Variants in MAP2 observed in about 807,000 individuals in gnomAD.
The protein encoded by MAP2 is microtubule-associated protein 2.
MAP2 carries 14 observed loss-of-function variants against 137.6 expected under a neutral mutation model. That is an observed-to-expected ratio of 0.10 (90% confidence interval 0.07 to 0.16). MAP2 has a LOEUF of 0.16. Among genes scored for constraint, MAP2 ranks in the 10% least tolerant of loss-of-function variants. The pLI is 1.00. For synonymous variants in MAP2, 786 were observed against 782.3 expected, an observed-to-expected ratio of 1.00 and a Z score of -0.08; for missense variants, 2,088 against 2,191.5, an observed-to-expected ratio of 0.95 and a Z score of 0.94.
intron 13 of MAP2, among the ~76,000 whole-genome samples, chr2:209,714,117 C>T (rs1008318732): frequency 6.6e-6 from 1 of 152,124 alleles, no homozygotes; most frequent in Admixed American, 6.5e-5. Flanking sequence ...AGGAGAATTG[C>T]TTGAACCCAG....
chr2:209,648,104 ATTT>A (rs200480350), intron 4 of MAP2, among the ~76,000 whole-genome samples: 26,352 of 141,752 alleles, frequency 0.19, 3,286 homozygotes, highest in African/African-American at 0.36. Flanking sequence ...AACGTCTTGG[ATTT>A]TTTTTTTTTT....
intron 1 of MAP2, among the ~76,000 whole-genome samples, chr2:209,428,983 T>C (rs1693414011): frequency 6.6e-6 from 1 of 151,306 alleles, no homozygotes; most frequent in African/African-American, 2.4e-5. Context: ...AGACGGAGTC[T>C]CGCTCTTTCG....
intron 7 of MAP2, among the ~76,000 whole-genome samples, chr2:209,684,231 C>A (rs1262714828): frequency 1.3e-5 from 2 of 152,186 alleles, no homozygotes; most frequent in African/African-American, 2.4e-5. Context: ...AACCAGGATT[C>A]TTTCTGCCCT....
chr2:209,520,255 TCC>T (rs2063087896), intron 2 of MAP2, among the ~76,000 whole-genome samples: 1 of 152,054 alleles, frequency 6.6e-6, no homozygotes, highest in African/African-American at 2.4e-5. Flanking sequence ...AAGACAGGCT[TCC>T]CTATAAGATA....
chr2:209,727,726 A>G (rs917766280), intron 14 of MAP2, among the ~76,000 whole-genome samples: 2 of 152,200 alleles, frequency 1.3e-5, no homozygotes, highest in Admixed American at 6.5e-5. Flanking sequence ...AAAGCTTGAC[A>G]AAGATAATAG....
intron 2 of MAP2, among the ~76,000 whole-genome samples, chr2:209,561,495 A>G (rs1171471747): frequency 2.0e-5 from 3 of 152,222 alleles, no homozygotes; most frequent in Non-Finnish European, 4.4e-5. Flanking sequence ...GAAGTTATTT[A>G]ACCTCTCTGA....
At chr2:209,683,614 T>C (rs2055740978) in intron 7 of MAP2, among the ~76,000 whole-genome samples, 1 of 152,236 alleles carries the variant, frequency 6.6e-6, no homozygotes, top group African/African-American at 2.4e-5. Context: ...TGTTCAATTT[T>C]TCAAACCAAG....
chr2:209,610,378 T>C (rs1294274375), intron 3 of MAP2, among the ~76,000 whole-genome samples: 2 of 151,834 alleles, frequency 1.3e-5, no homozygotes, highest in African/African-American at 4.8e-5. Flanking sequence ...TTCTGAGGAG[T>C]ATTGGACCAC....
At chr2:209,564,171 A>G (rs1016031203) in intron 2 of MAP2, among the ~76,000 whole-genome samples, 2 of 152,182 alleles carry the variant, frequency 1.3e-5, no homozygotes, top group Admixed American at 6.5e-5. Context: ...AATGAAGGGA[A>G]ATTCAGTTGC....
chr2:209,727,488 T>G (rs1199214882), intron 14 of MAP2, among the ~76,000 whole-genome samples: 1 of 152,252 alleles, frequency 6.6e-6, no homozygotes, highest in Admixed American at 6.5e-5. Flanking sequence ...TTGTTGGTCA[T>G]AAAAGGCTGT....
At chr2:209,608,454 T>A (rs2085574394) in intron 3 of MAP2, among the ~76,000 whole-genome samples, 1 of 152,106 alleles carries the variant, frequency 6.6e-6, no homozygotes, top group Non-Finnish European at 1.5e-5. Flanking sequence ...ACCTGGCTAA[T>A]TTCTAATTTT....
At chr2:209,511,446 TC>T (rs1334319087) in intron 2 of MAP2, among the ~76,000 whole-genome samples, 1 of 152,154 alleles carries the variant, frequency 6.6e-6, no homozygotes, top group Non-Finnish European at 1.5e-5. Context: ...CTATAAGACT[TC>T]CCCTGCCTTT....
In MAP2 at chr2:209,452,580, C is replaced by T. The variant is rs143259238; in HGVS notation, c.-222+28304C>T. Among the ~76,000 whole-genome samples, 364 of 152,284 alleles carry T rather than the reference C, an allele frequency of 2.4e-3. 1 individual carries two copies. The highest frequency in any genetic ancestry group is 0.02 in the Middle Eastern group (6 of 294). On this transcript the variant is annotated intron_variant, in intron 1 of 15. Transcript: ENST00000682079. Reference sequence around the variant, plus strand: ...GACAGGGCAAACAAAGTGCATCTTTCGAATGAAACTTCATCAGTTGGATTA... The same window carrying T: ...GACAGGGCAAACAAAGTGCATCTTTTGAATGAAACTTCATCAGTTGGATTA...
rs555818822 is a variant in MAP2 at position 209,426,228 on chromosome 2, A to G, written c.-222+1952A>G. Among the ~76,000 whole-genome samples, 16 of 152,218 alleles carry G rather than the reference A, an allele frequency of 1.1e-4. No homozygotes were observed. In the East Asian group the frequency reaches 1.9e-3, roughly 18 times the overall value. ...TTGCTACAATATTATTTAATGTCCA[A>G]AGTTTTCTTTTTTAAAACCATAAGT... On this transcript the variant is annotated intron_variant, in intron 1 of 15. Transcript: ENST00000682079.
chr2:209,515,203 T>G (rs545567671), intron 2 of MAP2, among the ~76,000 whole-genome samples: 1 of 152,302 alleles, frequency 6.6e-6, no homozygotes, highest in East Asian at 1.9e-4. Flanking sequence ...GAATGCATTA[T>G]ATGAGTACAT....
At chr2:209,452,632 C>T (rs1364467486) in intron 1 of MAP2, among the ~76,000 whole-genome samples, 1 of 152,130 alleles carries the variant, frequency 6.6e-6, no homozygotes, top group East Asian at 1.9e-4. Flanking sequence ...AAGGATGGAT[C>T]CACATTTTAG....
intron 1 of MAP2, among the ~76,000 whole-genome samples, chr2:209,494,734 A>T (rs2059551249): frequency 6.6e-6 from 1 of 152,238 alleles, no homozygotes; most frequent in South Asian, 2.1e-4. Context: ...CACTTTAAAA[A>T]ACAAATAAAT....
chr2:209,541,432 G>T (rs1409149774), intron 2 of MAP2, among the ~76,000 whole-genome samples: 3 of 151,156 alleles, frequency 2.0e-5, no homozygotes, highest in Non-Finnish European at 2.9e-5. Flanking sequence ...GTTTCTGAAG[G>T]TTAGGTTGAC....
At chr2:209,710,763 A>G (rs2065168980) in intron 13 of MAP2, 1 of 156,930 alleles carries the variant, frequency 6.4e-6, no homozygotes, top group Non-Finnish European at 1.4e-5. Context: ...AATGTTGCAA[A>G]GGGGAGGTAT....
Sources: gnomAD v4.1 joint callset for allele counts (sites outside exome capture counted in the v4.1 genomes callset) on GRCh38, gnomAD v4.1.1 for gene constraint, MANE v1.5 for transcripts, NCBI Gene and HGNC (gene_info 2026-07-23, HGNC 2026-07-21) for gene names.